The following CACNA2D3 variants were observed in gnomAD, a reference collection of about 807,000 sequenced individuals.
CACNA2D3 encodes voltage-dependent calcium channel subunit alpha-2/delta-3.
A neutral mutation model predicts 160.6 loss-of-function variants in CACNA2D3; 60 were observed. The ratio of observed to expected loss-of-function variants is 0.37; its 90% CI spans 0.30 to 0.46. The LOEUF (loss-of-function observed/expected upper bound fraction) is 0.46. Among genes scored for constraint, CACNA2D3 ranks in the 20% least tolerant of loss-of-function variants. The pLI is 1.00. For missense variants in CACNA2D3, 1,205 were observed against 1,365.0 expected (o/e 0.88, Z 1.85); for synonymous variants, 558 against 492.9 (o/e 1.13, Z -1.75).
chr3:54,800,229 C>T (rs769673246), intron 13 of CACNA2D3, among the ~76,000 whole-genome samples: 1 of 152,170 alleles, frequency 6.6e-6, no homozygotes. Flanking sequence ...CTGCCGCCTT[C>T]GATGAATCCC....
intron 9 of CACNA2D3, among the ~76,000 whole-genome samples, chr3:54,613,605 T>C (rs1004593535): frequency 6.6e-6 from 1 of 152,222 alleles, no homozygotes; most frequent in Non-Finnish European, 1.5e-5. Flanking sequence ...ATCTTACCTC[T>C]GAGTCTTAAG....
intron 2 of CACNA2D3, among the ~76,000 whole-genome samples, chr3:54,192,576 C>T (rs993648235): frequency 6.6e-6 from 1 of 152,066 alleles, no homozygotes; most frequent in Non-Finnish European, 1.5e-5. Context: ...GCAGATGACT[C>T]TTCTCTGAGT....
intron 3 of CACNA2D3, among the ~76,000 whole-genome samples, chr3:54,335,580 G>GT (rs1704356107): frequency 6.6e-6 from 1 of 152,144 alleles, no homozygotes; most frequent in Non-Finnish European, 1.5e-5. Flanking sequence ...ACTGCCACCT[G>GT]TTTTATCAGC....
At chr3:54,317,863 C>T (rs1703901505) in intron 2 of CACNA2D3, among the ~76,000 whole-genome samples, 1 of 152,148 alleles carries the variant, frequency 6.6e-6, no homozygotes, top group Non-Finnish European at 1.5e-5. Context: ...ATAACACACG[C>T]AGTTTCTCCA....
intron 13 of CACNA2D3, among the ~76,000 whole-genome samples, chr3:54,766,766 G>C (rs1224954247): frequency 6.6e-6 from 1 of 151,980 alleles, no homozygotes; most frequent in Non-Finnish European, 1.5e-5. Context: ...ACAAGAATGA[G>C]AATGACCTGC....
At chr3:54,898,782 T>C (rs1394021544) in intron 26 of CACNA2D3, among the ~76,000 whole-genome samples, 2 of 152,196 alleles carry the variant, frequency 1.3e-5, no homozygotes, top group Non-Finnish European at 1.5e-5. Flanking sequence ...AATGGTATAA[T>C]GAAGTGAGTT....
chr3:54,590,856 C>A (rs1702845578), intron 9 of CACNA2D3, among the ~76,000 whole-genome samples: 1 of 152,046 alleles, frequency 6.6e-6, no homozygotes, highest in Admixed American at 6.6e-5. Context: ...GAAGCTTTAT[C>A]AAATTAGTGT....
intron 4 of CACNA2D3, among the ~76,000 whole-genome samples, chr3:54,476,555 C>T (rs1700834769): frequency 6.6e-6 from 1 of 152,098 alleles, no homozygotes; most frequent in African/African-American, 2.4e-5. Context: ...TCTCCCCCTC[C>T]ATGCCAACAC....
At chr3:54,791,320 G>A (rs1016176817) in intron 13 of CACNA2D3, among the ~76,000 whole-genome samples, 2 of 152,200 alleles carry the variant, frequency 1.3e-5, no homozygotes, top group African/African-American at 4.8e-5. Context: ...GAGGGTGTAA[G>A]AACCACCTTA....
chr3:54,384,162 G>A (rs374330271), intron 3 of CACNA2D3, among the ~76,000 whole-genome samples: 1 of 151,244 alleles, frequency 6.6e-6, no homozygotes, highest in South Asian at 2.1e-4. Context: ...CTTGGTAATT[G>A]TGTAGTTTTA....
intron 27 of CACNA2D3, among the ~76,000 whole-genome samples, chr3:54,915,712 C>T (rs145019089): frequency 6.6e-6 from 1 of 152,194 alleles, no homozygotes; most frequent in East Asian, 1.9e-4. Flanking sequence ...TTAATGTAAA[C>T]AATTTGATTT....
chr3:54,858,726 C>A (rs1043222314), intron 17 of CACNA2D3, among the ~76,000 whole-genome samples: 1 of 152,174 alleles, frequency 6.6e-6, no homozygotes, highest in African/African-American at 2.4e-5. Flanking sequence ...GAGAGATAAC[C>A]TAGCCTTACC....
At chr3:54,813,794 A>G (rs1426572493) in intron 13 of CACNA2D3, among the ~76,000 whole-genome samples, 1 of 152,112 alleles carries the variant, frequency 6.6e-6, no homozygotes, top group African/African-American at 2.4e-5. Flanking sequence ...AGAACTATAG[A>G]AAAAAAGCGC....
chr3:55,065,078 C>A (rs971219444), intron 35 of CACNA2D3, among the ~76,000 whole-genome samples: 2 of 152,140 alleles, frequency 1.3e-5, no homozygotes, highest in Non-Finnish European at 2.9e-5. Flanking sequence ...AGTGTTTTAT[C>A]CTAAGCATGA....
At chr3:54,377,014 G>A (rs1699024594) in intron 3 of CACNA2D3, among the ~76,000 whole-genome samples, 1 of 152,184 alleles carries the variant, frequency 6.6e-6, no homozygotes, top group Non-Finnish European at 1.5e-5. Flanking sequence ...TTTCATTTTC[G>A]AGGAGAAAGA....
chr3:54,723,428 G>A (rs531470769), intron 11 of CACNA2D3, among the ~76,000 whole-genome samples: 11 of 152,238 alleles, frequency 7.2e-5, no homozygotes, highest in East Asian at 1.9e-4. Context: ...CATTCCAGGC[G>A]CCACTGGGGT....
At chr3:55,034,971 AT>A (rs552877886) in intron 35 of CACNA2D3, among the ~76,000 whole-genome samples, 37 of 151,512 alleles carry the variant, frequency 2.4e-4, no homozygotes, top group African/African-American at 5.6e-4. Flanking sequence ...CATAAATGCC[AT>A]TTTTTTTTAT....
chr3:54,830,341 A>G (rs972162730), intron 14 of CACNA2D3, among the ~76,000 whole-genome samples: 2 of 149,186 alleles, frequency 1.3e-5, no homozygotes, highest in Admixed American at 6.7e-5. Flanking sequence ...TCTTAGTACT[A>G]CTCCTTTTCT....
chr3:54,224,447 G>A (rs985675572), intron 2 of CACNA2D3, among the ~76,000 whole-genome samples: 2 of 152,154 alleles, frequency 1.3e-5, no homozygotes, highest in Admixed American at 1.3e-4. Context: ...TAATAGGTTT[G>A]TTTACACCAG....
Sources: gnomAD v4.1 joint callset for allele counts (sites outside exome capture counted in the v4.1 genomes callset) on GRCh38, gnomAD v4.1.1 for gene constraint, MANE v1.5 for transcripts, NCBI Gene and HGNC (gene_info 2026-07-23, HGNC 2026-07-21) for gene names.